The following MAN1C1 variants were observed in gnomAD, a reference collection of about 807,000 sequenced individuals.
MAN1C1 encodes mannosyl-oligosaccharide 1,2-alpha-mannosidase IC.
MAN1C1 carries 49 observed loss-of-function variants against 71.5 expected under a neutral mutation model. The observed-to-expected ratio is 0.69, with a 90% confidence interval of 0.54 to 0.87. The LOEUF is 0.87. Ranked by LOEUF, MAN1C1 falls within the 40% of genes least tolerant of loss-of-function variation. The pLI, the probability that MAN1C1 is intolerant of heterozygous loss-of-function variation, is 0.00. For missense variants in MAN1C1, 743 were observed against 835.0 expected (o/e 0.89, Z 1.36); for synonymous variants, 352 against 343.7 (o/e 1.02, Z -0.27).
chr1:25,754,492 G>A (rs559997026), intron 5 of MAN1C1, among the ~76,000 whole-genome samples: 2 of 152,094 alleles, frequency 1.3e-5, no homozygotes, highest in South Asian at 4.2e-4. Context: ...TAGTTGGGAA[G>A]AATTCTCAGG....
chr1:25,769,550 C>T lies in MAN1C1; in HGVS notation c.1142-2107C>T, dbSNP rs183123103. 5.3e-5 allele frequency among the ~76,000 whole-genome samples: 8 copies of T among 152,226 alleles called. No individual in the cohort carries two copies. Among genetic ancestry groups the T allele is most frequent in the East Asian group, 1.9e-4 (1 of 5,164 alleles). On this transcript the variant is annotated intron_variant, in intron 7 of 11. Coordinates refer to ENST00000374332, the MANE Select transcript of MAN1C1 (RefSeq NM_020379.4). This position sits in a 1 kb window ranked among gnomAD's most constrained non-coding sequence, Gnocchi z 4.8. ...TCCAGAGGAAGCCTGGACCTTGTCA[C>T]GCACACACTCCACCACCGCGTGATT...
chr1:25,664,889 G>A (rs1214283165), intron 1 of MAN1C1, among the ~76,000 whole-genome samples: 2 of 152,230 alleles, frequency 1.3e-5, no homozygotes, highest in Non-Finnish European at 2.9e-5. Context: ...ATCCGTCACT[G>A]TTAGACATGC....
At chr1:25,636,777 A>G (rs1008424838) in intron 1 of MAN1C1, among the ~76,000 whole-genome samples, 4 of 152,204 alleles carry the variant, frequency 2.6e-5, no homozygotes, top group Admixed American at 2.6e-4. Context: ...TTATTTGGGA[A>G]CTGATAAATG....
intron 1 of MAN1C1, among the ~76,000 whole-genome samples, chr1:25,666,951 T>C (rs2045932294): frequency 0.014 from 1 of 72 alleles, no homozygotes; most frequent in Admixed American, 0.17. Context: ...TTTTGCCCAC[T>C]GGCAGGAGGC....
chr1:25,726,713 G>A (rs1028893142), intron 2 of MAN1C1, among the ~76,000 whole-genome samples: 2 of 152,006 alleles, frequency 1.3e-5, no homozygotes, highest in African/African-American at 4.8e-5. Flanking sequence ...ATCTGGAAAT[G>A]GAGATAATAT....
rs530248219 is a variant in MAN1C1, at chr1:25,628,777, G to A, written c.540+10440G>A. ...TCCCCCTTCTGAGTCTCCAAAGTCC[G>A]TTATATCACTTTATATGCCTTTGTA... On this transcript the variant is annotated intron_variant, in intron 1 of 11. Transcript: ENST00000374332. Among the ~76,000 whole-genome samples, 96 of 152,092 alleles carry A rather than the reference G, an allele frequency of 6.3e-4. 1 individual carries two copies. The highest frequency in any genetic ancestry group is 1.0e-3 in the Non-Finnish European group (69 of 68,000).
intron 2 of MAN1C1, among the ~76,000 whole-genome samples, chr1:25,691,304 C>T (rs1196862486): frequency 1.3e-5 from 2 of 152,138 alleles, no homozygotes; most frequent in East Asian, 3.9e-4. Flanking sequence ...GCAACAGAGA[C>T]TCTGTCTCAA....
chr1:25,778,313 A>G lies in MAN1C1; in HGVS notation c.1466A>G (p.Tyr489Cys), dbSNP rs767048269. Reference protein sequence around the residue: ...AQITKTCHESYARSDTKLGPE... With the variant: ...AQITKTCHESCARSDTKLGPE... The stretch of plus-strand genomic sequence containing the variant: ...ATCACCAAGACGTGTCACGAGTCAT[A>G]CGCCCGCTCAGGTAACCCTGCAAGG... The change falls in exon 9 of 12, where the codon TAC becomes TGC. Residue 489 changes from tyrosine (Y) to cysteine (C), a missense_variant. Tyr to Cys is a radical substitution (Grantham distance 194). Coordinates refer to ENST00000374332, the MANE Select transcript of MAN1C1 (RefSeq NM_020379.4). The surrounding 1 kb of genome is among the most constrained non-coding windows in gnomAD (Gnocchi z 5.5). The G allele has an allele frequency of 2.5e-6, 4 of 1,609,902 alleles. No homozygotes were observed. The highest frequency in any genetic ancestry group is 3.4e-6 in the Non-Finnish European group (4 of 1,177,412).
intron 2 of MAN1C1, among the ~76,000 whole-genome samples, chr1:25,736,666 A>C (rs2046987079): frequency 6.6e-6 from 1 of 152,186 alleles, no homozygotes; most frequent in Non-Finnish European, 1.5e-5. Context: ...AGCTGGGGCC[A>C]CAGGCACATG....
rs144883001 is a variant in MAN1C1 at position 25,689,775 on chromosome 1, C to T, written c.637+3239C>T. ...GCAGACATGGGACACTGGGTGCAGT[C>T]AGGTGGCAGGTTGTGCCCATTCTGC... On this transcript the variant is annotated intron_variant, in intron 2 of 11. Transcript: ENST00000374332. 2.7e-3 allele frequency among the ~76,000 whole-genome samples: 411 copies of T among 152,182 alleles called. 1 individual carries two copies. The highest frequency in any genetic ancestry group is 8.8e-3 in the African/African-American group (363 of 41,438).
At position 25,735,917 on chromosome 1, in the gene MAN1C1, C is replaced by T. The variant is rs2124312323; in HGVS notation, c.638-10751C>T. Among the ~76,000 whole-genome samples, 1 of 152,298 alleles carries T rather than the reference C, an allele frequency of 6.6e-6. No individual in the cohort carries two copies. The highest frequency in any genetic ancestry group is 2.4e-5 in the African/African-American group (1 of 41,554). ...TTTAATTCCCCACCCACTATGAAGC[C>T]AAAGCAAGTTACATGGAAAAGCACA... On this transcript the variant is annotated intron_variant, in intron 2 of 11. Coordinates refer to ENST00000374332, the MANE Select transcript of MAN1C1 (RefSeq NM_020379.4). This position sits in a 1 kb window ranked among gnomAD's most constrained non-coding sequence, Gnocchi z 4.6.
intron 2 of MAN1C1, among the ~76,000 whole-genome samples, chr1:25,705,453 A>G (rs577258325): frequency 3.3e-4 from 51 of 152,352 alleles, no homozygotes; most frequent in African/African-American, 1.2e-3. Flanking sequence ...CTGTTGTTAT[A>G]TAGTCTATTA....
chr1:25,618,283 TGA>T lies in MAN1C1; in HGVS notation c.490_491del (p.Gln165GlyfsTer25). On this transcript the variant is annotated frameshift_variant, in exon 1 of 12. Transcript: ENST00000374332. LOFTEE classifies it high-confidence loss of function. ...RHPVLGTRAD[E>X]SQEPQSQVRA... ...ACCCGGTCCTGGGAACGAGGGCCGA[TGA>T]GAGTCAGGAGCCCCAGAGCCAAGTG... 6.2e-7 allele frequency: 1 copy of T among 1,604,124 alleles called. No homozygotes were observed. Among genetic ancestry groups the T allele is most frequent in the South Asian group, 1.1e-5 (1 of 88,978 alleles).
chr1:25,706,998 A>C (rs1427026421), intron 2 of MAN1C1, among the ~76,000 whole-genome samples: 2 of 152,250 alleles, frequency 1.3e-5, no homozygotes, highest in African/African-American at 4.8e-5. Context: ...TTGGTCCAGC[A>C]GAAGAGACAG....
intron 2 of MAN1C1, among the ~76,000 whole-genome samples, chr1:25,729,457 C>T (rs567633402): frequency 2.7e-4 from 41 of 151,926 alleles, no homozygotes; most frequent in African/African-American, 9.4e-4. Flanking sequence ...ACAAGGCAGG[C>T]GTCCCATTTT....
intron 1 of MAN1C1, among the ~76,000 whole-genome samples, chr1:25,661,532 T>C (rs958090098): frequency 6.6e-6 from 1 of 152,192 alleles, no homozygotes; most frequent in African/African-American, 2.4e-5. Context: ...TCTGCCTCCA[T>C]TGTGGCAGGA....
At chr1:25,770,730 C>T (rs1355700939) in intron 7 of MAN1C1, among the ~76,000 whole-genome samples, 2 of 147,318 alleles carry the variant, frequency 1.4e-5, no homozygotes, top group Admixed American at 1.4e-4. Flanking sequence ...CTTTCCTTCT[C>T]CCCTCTCTGT....
chr1:25,713,424 G>A (rs2046639723), intron 2 of MAN1C1, among the ~76,000 whole-genome samples: 1 of 152,232 alleles, frequency 6.6e-6, no homozygotes, highest in Non-Finnish European at 1.5e-5. Context: ...TCATACGCAG[G>A]TTTTGAGTCT....
intron 1 of MAN1C1, among the ~76,000 whole-genome samples, chr1:25,658,475 C>T (rs1030571797): frequency 6.6e-6 from 1 of 152,076 alleles, no homozygotes; most frequent in South Asian, 2.1e-4. Context: ...TTTTTAAACG[C>T]GGTCTGGCTC....
Sources: allele counts gnomAD v4.1 joint callset (sites outside exome capture counted in the v4.1 genomes callset), GRCh38; gene constraint gnomAD v4.1.1; non-coding constraint Gnocchi (gnomAD v3.1); transcripts MANE v1.5; gene names NCBI Gene and HGNC (gene_info 2026-07-23, HGNC 2026-07-21).